SLC6A6: variants seen among roughly 807,000 people sequenced by gnomAD.
The protein encoded by SLC6A6 is solute carrier family 6 member 6, also known as sodium- and chloride-dependent taurine transporter.
SLC6A6 carries 16 observed loss-of-function variants against 68.8 expected under a neutral mutation model. The ratio of observed to expected loss-of-function variants is 0.23; its 90% CI spans 0.16 to 0.35. The LOEUF is 0.35. Among genes scored for constraint, SLC6A6 ranks in the 10% least tolerant of loss-of-function variants. The probability of loss-of-function intolerance (pLI) is 1.00; values close to 1 mark genes in which losing one functional copy is unlikely to be tolerated. For missense variants in SLC6A6, 474 were observed against 802.8 expected, an observed-to-expected ratio of 0.59 and a Z score of 4.95; for synonymous variants, 312 against 315.4, an observed-to-expected ratio of 0.99 and a Z score of 0.12.
chr3:14,457,563 G>C (rs1700397036), intron 5 of SLC6A6, among the ~76,000 whole-genome samples: 1 of 152,218 alleles, frequency 6.6e-6, no homozygotes, highest in Non-Finnish European at 1.5e-5. Context: ...GTCAGTGACG[G>C]AACAAACAGT....
chr3:14,436,056 C>A (rs192768981), intron 2 of SLC6A6, among the ~76,000 whole-genome samples: 1 of 152,314 alleles, frequency 6.6e-6, no homozygotes, highest in Admixed American at 6.5e-5. Flanking sequence ...AGATACAGAC[C>A]TCATGATACA....
In SLC6A6 at chr3:14,475,442, C is replaced by T. The variant is rs187666273; in HGVS notation, c.1210-1763C>T. Among the ~76,000 whole-genome samples the T allele has an allele frequency of 5.6e-3, 850 of 152,336 alleles. 7 individuals carry two copies. The highest frequency in any genetic ancestry group is 9.6e-3 in the Non-Finnish European group (653 of 68,040). On this transcript the variant is annotated intron_variant, in intron 10 of 14. Coordinates refer to ENST00000622186, the MANE Select transcript of SLC6A6 (RefSeq NM_003043.6). ...CTGACATGGGTTAACAGTTATCTCC[C>T]ACTTGCAGATTTACTCTAATAATTT... is the stretch of plus-strand genomic sequence containing the variant.
intron 10 of SLC6A6, among the ~76,000 whole-genome samples, chr3:14,475,621 A>C (rs1391356400): frequency 6.6e-6 from 1 of 152,206 alleles, no homozygotes; most frequent in Non-Finnish European, 1.5e-5. Context: ...AGCGGCAGGA[A>C]CTGAGAAATG....
intron 5 of SLC6A6, among the ~76,000 whole-genome samples, chr3:14,452,060 A>G (rs1700264214): frequency 6.6e-6 from 1 of 152,140 alleles, no homozygotes; most frequent in African/African-American, 2.4e-5. Flanking sequence ...CAGGGGTACG[A>G]GGCACCAGGG....
At chr3:14,478,002 C>G (rs934702148) in intron 11 of SLC6A6, among the ~76,000 whole-genome samples, 2 of 152,240 alleles carry the variant, frequency 1.3e-5, no homozygotes, top group East Asian at 3.9e-4. Context: ...ATGCCCCCCC[C>G]CACCACCTCC....
In SLC6A6 at chr3:14,472,456, C is replaced by G; in HGVS notation, c.1209+139C>G. The G allele has an allele frequency of 1.6e-6, 1 of 641,878 alleles. No individual in the cohort carries two copies. Among genetic ancestry groups the G allele is most frequent in the Admixed American group, 2.7e-5 (1 of 37,146 alleles). 39.8% of individuals were successfully genotyped at this position (641,878 alleles called of 1,614,324 possible). ...TTCCAGTGCTTCAGCTGTGAGGGTT[C>G]CTCCAGGACACCAGGAATAGAAAAA... On this transcript the variant is annotated intron_variant, in intron 10 of 14. Coordinates refer to ENST00000622186, the MANE Select transcript of SLC6A6 (RefSeq NM_003043.6). This position sits in a 1 kb window ranked among gnomAD's most constrained non-coding sequence, Gnocchi z 4.5.
intron 2 of SLC6A6, among the ~76,000 whole-genome samples, chr3:14,429,628 G>GATT (rs1212213176): frequency 6.6e-6 from 1 of 152,216 alleles, no homozygotes; most frequent in Non-Finnish European, 1.5e-5. Flanking sequence ...AACCTCACCT[G>GATT]ATTTTCAGAT....
intron 9 of SLC6A6, among the ~76,000 whole-genome samples, chr3:14,469,591 T>G (rs1700705484): frequency 6.6e-6 from 1 of 152,184 alleles, no homozygotes; most frequent in Admixed American, 6.5e-5. Flanking sequence ...TTTCTGAACA[T>G]CCTGTCCACT....
chr3:14,484,796 CA>C, intron 14 of SLC6A6, 70 bp from the exon 15 acceptor site: 3 of 1,516,856 alleles, frequency 2.0e-6, no homozygotes, highest in Non-Finnish European at 2.7e-6. Flanking sequence ...CAGGAGGAGG[CA>C]GATGGCCCTG....
chr3:14,435,613 C>A (rs1377070139), intron 2 of SLC6A6, among the ~76,000 whole-genome samples: 2 of 152,222 alleles, frequency 1.3e-5, no homozygotes, highest in East Asian at 3.8e-4. Context: ...GGGCTGTAGG[C>A]CAGCCTGGTC....
intron 12 of SLC6A6, 48 bp from the exon 13 acceptor site, chr3:14,479,037 C>A: frequency 1.6e-6 from 2 of 1,241,240 alleles, no homozygotes; most frequent in Non-Finnish European, 2.4e-6. Flanking sequence ...TGAGCTGCTG[C>A]TGGCCTTGAA....
chr3:14,403,370 T>G (rs1194917319), intron 1 of SLC6A6, among the ~76,000 whole-genome samples: 12 of 152,092 alleles, frequency 7.9e-5, no homozygotes, highest in Admixed American at 7.2e-4. Flanking sequence ...AATCTGTGTG[T>G]GGGGGGCTGC....
rs1701015862 is a variant in SLC6A6 at position 14,481,841 on chromosome 3, G to C, written c.1722G>C (p.Val574=). Residue 574 remains valine (V), a splice_region_variant and synonymous_variant, in exon 14 of 15, where the codon GTG becomes GTC. Transcript: ENST00000622186. The surrounding 1 kb of genome is among the most constrained non-coding windows in gnomAD (Gnocchi z 4.7). The part of the protein sequence containing the change: ...RLCQTEGPFL[V]RVKYLLTPRE... Reference sequence around the variant, plus strand: ...GCCAGACTGAGGGGCCGTTCCTTGTGGTAAGTGCTTGGGCCCAGGGCCAGG... The same window carrying C: ...GCCAGACTGAGGGGCCGTTCCTTGTCGTAAGTGCTTGGGCCCAGGGCCAGG... 1.2e-6 allele frequency: 2 copies of C among 1,613,668 alleles called. No homozygotes were observed. The highest frequency in any genetic ancestry group is 1.7e-6 in the Non-Finnish European group (2 of 1,179,766).
At chr3:14,414,158 G>T (rs1478262746) in intron 1 of SLC6A6, among the ~76,000 whole-genome samples, 1 of 152,184 alleles carries the variant, frequency 6.6e-6, no homozygotes, top group African/African-American at 2.4e-5. Flanking sequence ...GTCTCTCTAT[G>T]CCTGCTTCAT....
chr3:14,484,675 G>A (rs893940499), intron 14 of SLC6A6, among the ~76,000 whole-genome samples, 192 bp from the exon 15 acceptor site: 2 of 152,246 alleles, frequency 1.3e-5, no homozygotes, highest in Admixed American at 1.3e-4. Context: ...TCAGGGCCTA[G>A]TGGCACCTTA....
chr3:14,423,651 G>A (rs998221360), intron 2 of SLC6A6, among the ~76,000 whole-genome samples: 26 of 152,116 alleles, frequency 1.7e-4, no homozygotes, highest in African/African-American at 5.8e-4. Flanking sequence ...ATAGTATTTG[G>A]TGCTACTTCT....
intron 6 of SLC6A6, among the ~76,000 whole-genome samples, chr3:14,460,645 G>A (rs901220242): frequency 1.3e-5 from 2 of 152,234 alleles, no homozygotes; most frequent in Admixed American, 6.5e-5. Flanking sequence ...TAGTGTCAAA[G>A]CCAGAGAGAG....
At chr3:14,456,939 T>C (rs7613959) in intron 5 of SLC6A6, among the ~76,000 whole-genome samples, 75,672 of 152,074 alleles carry the variant, frequency 0.5, 19,379 homozygotes, top group African/African-American at 0.62. Flanking sequence ...GGCCGATGTC[T>C]CTGTTCTCAG....
chr3:14,431,476 C>A (rs996305429), intron 2 of SLC6A6, among the ~76,000 whole-genome samples: 2 of 152,156 alleles, frequency 1.3e-5, no homozygotes, highest in Non-Finnish European at 2.9e-5. Context: ...GCTGTCCCAT[C>A]GAGGCTGTGA....
Sources: allele counts gnomAD v4.1 joint callset (sites outside exome capture counted in the v4.1 genomes callset), GRCh38; gene constraint gnomAD v4.1.1; non-coding constraint Gnocchi (gnomAD v3.1); transcripts MANE v1.5; gene names NCBI Gene and HGNC (gene_info 2026-07-23, HGNC 2026-07-21).